The following BIRC3 variants were observed in gnomAD, a reference collection of about 807,000 sequenced individuals.
BIRC3 encodes baculoviral IAP repeat containing 3.
Under a neutral mutation model 59.0 loss-of-function variants are expected in BIRC3, and 26 were observed. That is an observed-to-expected ratio of 0.44 (90% CI 0.32 to 0.61). The LOEUF (loss-of-function observed/expected upper bound fraction) is 0.61, where lower values mean the gene tolerates loss of function less well. Ranked by LOEUF, BIRC3 falls within the 20% of genes least tolerant of loss-of-function variation. The pLI is 0.04. For synonymous variants in BIRC3, 243 were observed against 249.2 expected (o/e 0.98, Z 0.24); for missense variants, 641 against 711.5 (o/e 0.90, Z 1.13).
In BIRC3 at chr11:102,324,799, A is replaced by G. The variant is rs1951064805; in HGVS notation, c.290A>G (p.Gln97Arg). The G allele has an allele frequency of 6.2e-7, 1 of 1,614,108 alleles. No homozygotes were observed. The highest frequency in any genetic ancestry group is 8.5e-7 in the Non-Finnish European group (1 of 1,180,032). The change falls in exon 2 of 9, where the codon CAG becomes CGG. Residue 97 changes from glutamine (Q) to arginine (R), a missense_variant. By Grantham distance (43) the Gln-to-Arg change is conservative (BLOSUM62 1). Transcript: ENST00000263464. ...KKLYPSCRFVQSLNSVNNLEA... is the reference protein window; with the variant it reads ...KKLYPSCRFVRSLNSVNNLEA... The stretch of plus-strand genomic sequence containing the variant: ...TTGTATCCTAGCTGCAGATTCGTTC[A>G]GAGTCTAAATTCCGTTAACAACTTG...
intron 1 of BIRC3, among the ~76,000 whole-genome samples, chr11:102,318,365 C>T (rs532200130): frequency 1.3e-5 from 2 of 152,272 alleles, no homozygotes; most frequent in South Asian, 4.2e-4. Context: ...AAGCCTGATA[C>T]TAATCAATCA....
chr11:102,325,585 C>T lies in BIRC3; in HGVS notation c.953+20C>T, dbSNP rs1591520831. 2 of 1,604,438 alleles carry T rather than the reference C, an allele frequency of 1.2e-6. No individual in the cohort carries two copies. Among genetic ancestry groups the T allele is most frequent in the Non-Finnish European group, 1.7e-6 (2 of 1,173,948 alleles). ...TCCAAGGTAATTGTTTTGAAATTCT[C>T]TTTGCAAATTCTTGTGATTATCATG... On this transcript the variant is annotated intron_variant, in intron 3 of 8. Transcript: ENST00000263464.
At chr11:102,327,192 A>T (rs1951091969) in intron 3 of BIRC3, among the ~76,000 whole-genome samples, 1 of 152,210 alleles carries the variant, frequency 6.6e-6, no homozygotes, top group South Asian at 2.1e-4. Flanking sequence ...TAAATTGATT[A>T]TATGTACATT....
At chr11:102,336,285 AT>A in intron 7 of BIRC3, 65 bp downstream of exon 7, 1 of 1,469,764 alleles carries the variant, frequency 6.8e-7, no homozygotes, top group Non-Finnish European at 9.1e-7. Flanking sequence ...CTTATTAATA[AT>A]TTATGACTAC....
chr11:102,329,941 T>TA (rs17885073), intron 5 of BIRC3, among the ~76,000 whole-genome samples: 109,315 of 151,766 alleles, frequency 0.72, 40,017 homozygotes, highest in African/African-American at 0.84. Context: ...TAAAATAATT[T>TA]AAAAAAAGGA....
Position 102,331,022 on chromosome 11 carries a change from G to T in BIRC3, c.1105G>T (p.Asp369Tyr), listed in dbSNP as rs770469557. The change falls in exon 6 of 9, where the codon GAC (aspartate) becomes TAC (tyrosine). Residue 369 changes from aspartate to tyrosine, a missense_variant. This residue lies in a region of BIRC3 where 268 missense variants were observed against 255.7 expected (regional missense o/e 1.05). Transcript: ENST00000263464. Reference sequence around the variant, plus strand: ...AGTTATCCATTTTGAACCTGGAGAAGACCATTCAGAAGATGCAATCATGAT... The same window carrying T: ...AGTTATCCATTTTGAACCTGGAGAATACCATTCAGAAGATGCAATCATGAT... Reference protein sequence around the residue: ...SSIIHFEPGEDHSEDAIMMNT... With the variant: ...SSIIHFEPGEYHSEDAIMMNT... 5 of 1,613,318 alleles carry T rather than the reference G, an allele frequency of 3.1e-6. No individual in the cohort carries two copies. In the South Asian group the frequency reaches 4.4e-5, roughly 14 times the overall value.
chr11:102,323,689 G>T lies in BIRC3; in HGVS notation c.-821G>T, dbSNP rs1951053910. On this transcript the variant is annotated 5_prime_UTR_variant, in exon 2 of 9. Transcript: ENST00000263464. ...TTACTAGTAAATCTCTTTATTTGGA[G>T]AGAAATTTTAGATTGTTTTGTTCTC... The T allele has an allele frequency of 5.0e-6, 1 of 198,124 alleles. No homozygotes were observed. The highest frequency in any genetic ancestry group is 1.0e-5 in the Non-Finnish European group (1 of 95,940). The allele number at this position is 198,124 out of a possible 1,614,324, so 12.3% of individuals were successfully genotyped here. A position where few individuals can be genotyped will look rare whatever the true frequency, so the allele number is the denominator to read the frequency against.
intron 3 of BIRC3, chr11:102,326,712 T>C (rs1951084869): frequency 2.2e-6 from 1 of 454,788 alleles, no homozygotes; most frequent in South Asian, 1.6e-5. Flanking sequence ...TTACTTTTTT[T>C]CCTCTTTTCT....
At chr11:102,336,389 T>C in intron 7 of BIRC3, 169 bp downstream of exon 7, 2 of 764,880 alleles carry the variant, frequency 2.6e-6, no homozygotes, top group Non-Finnish European at 4.0e-6. Flanking sequence ...CCCAGGAGTT[T>C]GAGACCAGAC....
chr11:102,331,769 T>C (rs1951144462), intron 6 of BIRC3, among the ~76,000 whole-genome samples: 1 of 152,170 alleles, frequency 6.6e-6, no homozygotes, highest in Non-Finnish European at 1.5e-5. Flanking sequence ...CTCCTTCCCT[T>C]AGCTGGGATT....
chr11:102,324,628 C>T lies in BIRC3; in HGVS notation c.119C>T (p.Pro40Leu), dbSNP rs2135784228. The change falls in exon 2 of 9, where the codon CCT (proline) becomes CTT (leucine). Residue 40 changes from proline to leucine, a missense_variant. Coordinates refer to ENST00000263464, the MANE Select transcript of BIRC3 (RefSeq NM_001165.5). ...CGAATGTCTACGTATTCCACTTTTC[C>T]TGCTGGGGTTCCTGTCTCAGAAAGG... is the stretch of plus-strand genomic sequence containing the variant. ...LYRMSTYSTF[P>L]AGVPVSERSL... 1 of 1,614,120 alleles carries T rather than the reference C, an allele frequency of 6.2e-7. No homozygotes were observed. Among genetic ancestry groups the T allele is most frequent in the Non-Finnish European group, 8.5e-7 (1 of 1,180,012 alleles).
rs1002854295 is a variant in BIRC3 at position 102,336,150 on chromosome 11, A to G, written c.1509A>G (p.Gly503=). The G allele has an allele frequency of 6.2e-7, 1 of 1,613,828 alleles. No homozygotes were observed. The highest frequency in any genetic ancestry group is 1.7e-5 in the Admixed American group (1 of 59,990). ...RELIDTILVK[G]NIAATVFRNS... ...TGATTGATACGATTTTAGTAAAAGG[A>G]AATATTGCAGCCACTGTATTCAGAA... The change falls in exon 7 of 9, where the codon GGA becomes GGG. Residue 503 remains glycine (G), a synonymous_variant. Transcript: ENST00000263464.
At chr11:102,326,634 C>A (rs930649358) in intron 3 of BIRC3, 12 of 442,604 alleles carry the variant, frequency 2.7e-5, no homozygotes, top group African/African-American at 2.0e-4. Context: ...ACAAGCTGCA[C>A]TGTTTTTTTT....
At chr11:102,332,240 A>G (rs947485337) in intron 6 of BIRC3, among the ~76,000 whole-genome samples, 5 of 152,236 alleles carry the variant, frequency 3.3e-5, no homozygotes, top group Non-Finnish European at 7.3e-5. Flanking sequence ...TGTCCTAGAC[A>G]AAAAGAAATG....
In BIRC3 at chr11:102,338,041, A is replaced by G. The variant is rs982889147; in HGVS notation, c.*939A>G. 8.8e-6 allele frequency: 2 copies of G among 226,572 alleles called. No homozygotes were observed. Among genetic ancestry groups the G allele is most frequent in the Non-Finnish European group, 1.8e-5 (2 of 114,000 alleles). 14.0% of individuals were successfully genotyped at this position (226,572 alleles called of 1,614,324 possible). A position where few individuals can be genotyped will look rare whatever the true frequency, so the allele number is the denominator to read the frequency against. ...TGAGTTTTATTCTTATCTCTTTGGT[A>G]TTAATTCTGAAACTTAGAAAGTACA... On this transcript the variant is annotated 3_prime_UTR_variant, in exon 9 of 9. Transcript: ENST00000263464.
chr11:102,337,181 T>C lies in BIRC3; in HGVS notation c.*79T>C. ...AACTTTAACTTTTATCCTAATTTGG[T>C]TTCCTTAAAATTTTTATTTATTTAC... On this transcript the variant is annotated 3_prime_UTR_variant, in exon 9 of 9. Transcript: ENST00000263464. 1 of 1,167,712 alleles carries C rather than the reference T, an allele frequency of 8.6e-7. No homozygotes were observed. 72.3% of individuals were successfully genotyped at this position (1,167,712 alleles called of 1,614,324 possible).
chr11:102,321,603 T>C (rs2135781863), intron 1 of BIRC3, among the ~76,000 whole-genome samples: 1 of 152,210 alleles, frequency 6.6e-6, no homozygotes, highest in Non-Finnish European at 1.5e-5. Flanking sequence ...GATCCACTTG[T>C]CTTGGCCTCC....
intron 1 of BIRC3, among the ~76,000 whole-genome samples, chr11:102,319,398 AT>A (rs1050825333): frequency 4.6e-5 from 7 of 152,144 alleles, no homozygotes; most frequent in Admixed American, 1.3e-4. Flanking sequence ...AGATTTAAGC[AT>A]GGTTATGTGA....
Position 102,336,066 on chromosome 11 carries a change from T to C in BIRC3, c.1425T>C (p.Asn475=), listed in dbSNP as rs775734922. 1 of 1,613,802 alleles carries C rather than the reference T, an allele frequency of 6.2e-7. No individual in the cohort carries two copies. Among genetic ancestry groups the C allele is most frequent in the East Asian group, 2.2e-5 (1 of 44,840 alleles). ...GTCTACTAACTGCCGGAATTATTAATGAACAAGAACATGATGTTATTAAAC... is the reference window on the plus strand; with the variant it reads ...GTCTACTAACTGCCGGAATTATTAACGAACAAGAACATGATGTTATTAAAC... The part of the protein sequence containing the change: ...LDSLLTAGII[N]EQEHDVIKQK... Residue 475 remains asparagine, a synonymous_variant, in exon 7 of 9, where the codon AAT becomes AAC. Transcript: ENST00000263464.
Sources: gnomAD v4.1 joint callset for allele counts (sites outside exome capture counted in the v4.1 genomes callset) on GRCh38, gnomAD v4.1.1 for gene constraint, gnomAD v4.1.1 regional missense constraint, MANE v1.5 for transcripts, NCBI Gene and HGNC (gene_info 2026-07-23, HGNC 2026-07-21) for gene names.